The following ZNF366 variants were observed in gnomAD, a reference collection of about 807,000 sequenced individuals.
ZNF366 encodes zinc finger protein 366.
Under a neutral mutation model 47.2 loss-of-function variants are expected in ZNF366, and 20 were observed. The ratio of observed to expected loss-of-function variants is 0.42; its 90% CI spans 0.30 to 0.62. The LOEUF (loss-of-function observed/expected upper bound fraction) is 0.62, where lower values mean the gene tolerates loss of function less well. Ranked by LOEUF, ZNF366 falls within the 20% of genes least tolerant of loss-of-function variation. ZNF366 has a pLI of 0.16. For missense variants in ZNF366, 987 were observed against 976.3 expected (o/e 1.01, Z -0.15); for synonymous variants, 421 against 395.1 (o/e 1.07, Z -0.78).
At position 72,460,199 on chromosome 5, in the gene ZNF366, G is replaced by A. The variant is rs748522840; in HGVS notation, c.1298C>T (p.Pro433Leu). 14 of 1,614,200 alleles carry A rather than the reference G, an allele frequency of 8.7e-6. No homozygotes were observed. The East Asian group carries it at 1.3e-4, about 15-fold the overall frequency. ...GAGGGAGTGCTGCTTGAGGTGGTGC[G>A]GCTGCACAAACTCCATGCCACACTC... ...CSECGMEFVQ[P>L]HHLKQHSLTH... The change falls in exon 2 of 5, where the codon CCG (proline) becomes CTG (leucine). Residue 433 changes from proline to leucine, a missense_variant. Transcript: ENST00000318442.
At chr5:72,491,358 A>T (rs1281925190) in intron 1 of ZNF366, among the ~76,000 whole-genome samples, 1 of 152,226 alleles carries the variant, frequency 6.6e-6, no homozygotes, top group Non-Finnish European at 1.5e-5. Flanking sequence ...AAGAAGGATG[A>T]TGAGAAAAAG....
intron 1 of ZNF366, among the ~76,000 whole-genome samples, chr5:72,471,900 G>A (rs1743573007): frequency 1.3e-5 from 2 of 152,200 alleles, no homozygotes; most frequent in East Asian, 1.9e-4. Flanking sequence ...TGCCCAGGCT[G>A]GTCTTGAACT....
rs575337326 is a variant in ZNF366, at chr5:72,488,567, G to A, written c.-15+18684C>T. ...AATCTAGCATGTGTTCAAAGATACC[G>A]CTTCTTTTCATATGATTTCACATCG... is the stretch of plus-strand genomic sequence containing the variant. On this transcript the variant is annotated intron_variant, in intron 1 of 4. Transcript: ENST00000318442. Among the ~76,000 whole-genome samples, 12 of 152,292 alleles carry A rather than the reference G, an allele frequency of 7.9e-5. No individual in the cohort carries two copies. In the East Asian group the frequency reaches 9.6e-4, roughly 12 times the overall value.
chr5:72,474,280 G>T (rs1743626898), intron 1 of ZNF366, among the ~76,000 whole-genome samples: 1 of 152,154 alleles, frequency 6.6e-6, no homozygotes, highest in Non-Finnish European at 1.5e-5. Flanking sequence ...GAACTCTCAG[G>T]CTCCTGCACG....
At chr5:72,470,770 C>T (rs551868096) in intron 1 of ZNF366, among the ~76,000 whole-genome samples, 2 of 152,306 alleles carry the variant, frequency 1.3e-5, no homozygotes, top group East Asian at 1.9e-4. Flanking sequence ...AAGCCAACCT[C>T]GCGTAAATTA....
chr5:72,489,341 C>T (rs755410361), intron 1 of ZNF366, among the ~76,000 whole-genome samples: 8 of 152,088 alleles, frequency 5.3e-5, no homozygotes, highest in Non-Finnish European at 8.8e-5. Context: ...GGTAAGATGA[C>T]CTGGATTTAT....
intron 1 of ZNF366, among the ~76,000 whole-genome samples, chr5:72,483,086 T>C (rs1743820863): frequency 6.6e-6 from 1 of 152,098 alleles, no homozygotes; most frequent in Non-Finnish European, 1.5e-5. Context: ...TAAAAATGAG[T>C]GCCTGCTGTA....
chr5:72,482,379 A>G (rs1165259926), intron 1 of ZNF366, among the ~76,000 whole-genome samples: 1 of 152,118 alleles, frequency 6.6e-6, no homozygotes, highest in Non-Finnish European at 1.5e-5. Context: ...CCCAGGCTCA[A>G]CGTATTTCAG....
At chr5:72,473,216 G>A (rs1357013558) in intron 1 of ZNF366, among the ~76,000 whole-genome samples, 1 of 152,208 alleles carries the variant, frequency 6.6e-6, no homozygotes, top group Admixed American at 6.5e-5. Context: ...TGGAGGAGGA[G>A]CAGCCATATT....
At chr5:72,454,328 T>C (rs1034172301) in intron 3 of ZNF366, among the ~76,000 whole-genome samples, 2 of 152,188 alleles carry the variant, frequency 1.3e-5, no homozygotes, top group African/African-American at 4.8e-5. Context: ...CATAGCACCT[T>C]GCAGTTTCTT....
At chr5:72,501,524 G>C (rs1744209863) in intron 1 of ZNF366, among the ~76,000 whole-genome samples, 1 of 152,180 alleles carries the variant, frequency 6.6e-6, no homozygotes, top group Admixed American at 6.5e-5. Context: ...AGTGGTTTTG[G>C]CCTTCTTCAA....
At chr5:72,481,676 C>T (rs1743792906) in intron 1 of ZNF366, among the ~76,000 whole-genome samples, 1 of 152,114 alleles carries the variant, frequency 6.6e-6, no homozygotes, top group African/African-American at 2.4e-5. Context: ...TCTTCTGTGA[C>T]TCCTTTTGTT....
At chr5:72,499,638 A>C (rs1744173987) in intron 1 of ZNF366, among the ~76,000 whole-genome samples, 1 of 152,212 alleles carries the variant, frequency 6.6e-6, no homozygotes, top group Non-Finnish European at 1.5e-5. Context: ...AAAAAAGAAA[A>C]AAACAACTGA....
intron 3 of ZNF366, among the ~76,000 whole-genome samples, chr5:72,455,429 T>C (rs773342103): frequency 7.9e-5 from 12 of 152,122 alleles, no homozygotes; most frequent in Non-Finnish European, 1.6e-4. Context: ...AGAAAAAACC[T>C]CCATTTCAAA....
chr5:72,468,796 T>A (rs1388983297), intron 1 of ZNF366, among the ~76,000 whole-genome samples: 2 of 152,188 alleles, frequency 1.3e-5, no homozygotes, highest in Non-Finnish European at 1.5e-5. Flanking sequence ...GTTGGGGTTA[T>A]CTCTGTCCTC....
chr5:72,458,142 G>A lies in ZNF366; in HGVS notation c.1333-1547C>T, dbSNP rs541339105. 3.8e-3 allele frequency among the ~76,000 whole-genome samples: 562 copies of A among 149,098 alleles called. 2 individuals are homozygous for A. Among genetic ancestry groups the A allele is most frequent in the African/African-American group, 0.013 (537 of 40,390 alleles). ...CGCCATTCTCCTGCCTCAGCCTTCC[G>A]AGTAGCTGGAACTACAGGTACCCGC... On this transcript the variant is annotated intron_variant, in intron 2 of 4. Coordinates refer to ENST00000318442, the MANE Select transcript of ZNF366 (RefSeq NM_152625.3).
chr5:72,505,609 A>G (rs567780058), intron 1 of ZNF366, among the ~76,000 whole-genome samples: 23 of 152,370 alleles, frequency 1.5e-4, no homozygotes, highest in African/African-American at 5.0e-4. Context: ...CTCAGTAAAC[A>G]AAACTAGAAT....
At chr5:72,468,590 A>C (rs1401144594) in intron 1 of ZNF366, among the ~76,000 whole-genome samples, 1 of 152,204 alleles carries the variant, frequency 6.6e-6, no homozygotes, top group East Asian at 1.9e-4. Context: ...GTGTATCTTA[A>C]ATGTATATAT....
intron 1 of ZNF366, chr5:72,472,596 A>G (rs939625865): frequency 7.1e-6 from 7 of 981,996 alleles, no homozygotes; most frequent in African/African-American, 1.7e-5. Flanking sequence ...AATGAACTGC[A>G]GTTAACCTTG....
Sources: gnomAD v4.1 joint callset for allele counts (sites outside exome capture counted in the v4.1 genomes callset) on GRCh38, gnomAD v4.1.1 for gene constraint, MANE v1.5 for transcripts, NCBI Gene and HGNC (gene_info 2026-07-23, HGNC 2026-07-21) for gene names.